The following CSMD1 variants were observed in gnomAD, a reference collection of about 807,000 sequenced individuals.
CSMD1 encodes the protein CUB and sushi domain-containing protein 1.
A neutral mutation model predicts 417.5 loss-of-function variants in CSMD1; 213 were observed. That is an observed-to-expected ratio of 0.51 (90% CI 0.46 to 0.57). The LOEUF is 0.57. CSMD1 is among the 20% of genes least tolerant of loss of function. The pLI is 0.00. For missense variants in CSMD1, 6,923 were observed against 4,529.7 expected (o/e 1.53, Z -15.17); for synonymous variants, 2,862 against 1,736.8 (o/e 1.65, Z -16.11).
chr8:4,562,294 G>C (rs886101058), intron 2 of CSMD1, among the ~76,000 whole-genome samples: 8 of 152,186 alleles, frequency 5.3e-5, no homozygotes, highest in Non-Finnish European at 1.2e-4. Context: ...CAACCTGCTG[G>C]AGTGGAGGAC....
chr8:4,832,053 A>C (rs1268489184), intron 1 of CSMD1, among the ~76,000 whole-genome samples: 1 of 152,196 alleles, frequency 6.6e-6, no homozygotes, highest in Non-Finnish European at 1.5e-5. Context: ...CCTTACAATC[A>C]AACCAGAACC....
intron 3 of CSMD1, among the ~76,000 whole-genome samples, 172 bp downstream of exon 3, chr8:4,419,781 T>A (rs532327624): frequency 6.6e-4 from 100 of 152,192 alleles, no homozygotes; most frequent in Non-Finnish European, 1.2e-3. Context: ...GCTGGAAAGT[T>A]TGGCGATTAT....
chr8:4,573,732 TC>T (rs1387579679), intron 2 of CSMD1, among the ~76,000 whole-genome samples: 4 of 152,112 alleles, frequency 2.6e-5, no homozygotes, highest in African/African-American at 9.7e-5. Context: ...AGCCACTCCT[TC>T]CCCCAGGTGC....
At position 4,808,065 on chromosome 8, in the gene CSMD1, G is replaced by A. The variant is rs141090452; in HGVS notation, c.86-170507C>T. 1.9e-3 allele frequency among the ~76,000 whole-genome samples: 295 copies of A among 152,204 alleles called. 1 individual carries two copies. Among genetic ancestry groups the A allele is most frequent in the Non-Finnish European group, 3.5e-3 (241 of 68,018 alleles). Reference sequence around the variant, plus strand: ...TGGTTGACTTTTGTAAATAATACTCGTGTGGGCTCAATGTCCTTATTAGCA... The same window carrying A: ...TGGTTGACTTTTGTAAATAATACTCATGTGGGCTCAATGTCCTTATTAGCA... On this transcript the variant is annotated intron_variant, in intron 1 of 69. Coordinates refer to ENST00000635120, the MANE Select transcript of CSMD1 (RefSeq NM_033225.6).
chr8:4,563,181 C>A (rs1446461826), intron 2 of CSMD1, among the ~76,000 whole-genome samples: 5 of 152,140 alleles, frequency 3.3e-5, no homozygotes, highest in African/African-American at 1.2e-4. Flanking sequence ...GCAGGCGGAT[C>A]ACGAGGTCAG....
At chr8:3,780,629 T>C (rs1351497698) in intron 5 of CSMD1, among the ~76,000 whole-genome samples, 1 of 152,196 alleles carries the variant, frequency 6.6e-6, no homozygotes, top group Non-Finnish European at 1.5e-5. Context: ...CTGGGCCTGC[T>C]CCCAGCTCCT....
chr8:3,453,179 A>C (rs559534773), intron 12 of CSMD1, among the ~76,000 whole-genome samples: 2 of 151,438 alleles, frequency 1.3e-5, no homozygotes, highest in East Asian at 3.9e-4. Flanking sequence ...TTCATTTTTT[A>C]TTGCTTCTAT....
chr8:3,256,758 G>T (rs930245295), intron 26 of CSMD1, among the ~76,000 whole-genome samples: 2 of 152,112 alleles, frequency 1.3e-5, no homozygotes, highest in Non-Finnish European at 2.9e-5. Flanking sequence ...ACTCAGAAAA[G>T]GGACATCTTG....
intron 2 of CSMD1, among the ~76,000 whole-genome samples, chr8:4,435,797 A>G (rs764888948): frequency 2.6e-5 from 4 of 152,204 alleles, no homozygotes; most frequent in Non-Finnish European, 4.4e-5. Flanking sequence ...ACAATAGAAG[A>G]CAGACCGTGT....
chr8:3,773,873 T>G (rs1798753849), intron 5 of CSMD1, among the ~76,000 whole-genome samples: 1 of 152,154 alleles, frequency 6.6e-6, no homozygotes, highest in Non-Finnish European at 1.5e-5. Flanking sequence ...ATTACTATGT[T>G]GCTGAGGAAA....
At chr8:3,344,290 G>A (rs1807846329) in intron 22 of CSMD1, among the ~76,000 whole-genome samples, 1 of 152,124 alleles carries the variant, frequency 6.6e-6, no homozygotes, top group South Asian at 2.1e-4. Flanking sequence ...ATGCCATGAG[G>A]CTCAGGTAAC....
intron 3 of CSMD1, among the ~76,000 whole-genome samples, chr8:4,321,137 G>A (rs1799251762): frequency 6.6e-6 from 1 of 152,118 alleles, no homozygotes; most frequent in Admixed American, 6.6e-5. Context: ...GGCAGGAAGA[G>A]TGTCAAACCT....
chr8:3,544,850 G>A (rs949635223), intron 10 of CSMD1, among the ~76,000 whole-genome samples: 1 of 152,152 alleles, frequency 6.6e-6, no homozygotes, highest in Admixed American at 6.5e-5. Flanking sequence ...AGTCCAAGAT[G>A]CCTTACAGCT....
intron 23 of CSMD1, among the ~76,000 whole-genome samples, chr8:3,311,389 A>ATAAG (rs1805331084): frequency 1.3e-5 from 2 of 152,140 alleles, no homozygotes; most frequent in African/African-American, 4.8e-5. Context: ...AGCTGGGACT[A>ATAAG]TAAGTGCGAG....
intron 3 of CSMD1, among the ~76,000 whole-genome samples, chr8:4,222,599 C>T (rs1212992514): frequency 6.6e-6 from 1 of 152,126 alleles, no homozygotes; most frequent in Non-Finnish European, 1.5e-5. Flanking sequence ...TTGTCCGAAG[C>T]CTGGCTGCTC....
intron 1 of CSMD1, among the ~76,000 whole-genome samples, chr8:4,690,176 T>C (rs891441974): frequency 2.0e-5 from 3 of 152,228 alleles, no homozygotes. Context: ...CTCACAGTGT[T>C]ATTTACATGT....
In CSMD1 at chr8:4,491,572, G is replaced by T. The variant is rs1004082092; in HGVS notation, c.303-71507C>A. Reference sequence around the variant, plus strand: ...TGATTTTGCAATGTTTAAAAAAAGTGGGCAAAAGGTCTGAACAGACACCTC... The same window carrying T: ...TGATTTTGCAATGTTTAAAAAAAGTTGGCAAAAGGTCTGAACAGACACCTC... On this transcript the variant is annotated intron_variant, in intron 2 of 69. Transcript: ENST00000635120. Among the ~76,000 whole-genome samples the T allele has an allele frequency of 5.9e-5, 9 of 152,066 alleles. No homozygotes were observed. The East Asian group carries it at 1.4e-3, about 23-fold the overall frequency.
chr8:3,975,851 G>C (rs905060295), intron 5 of CSMD1, among the ~76,000 whole-genome samples: 2 of 152,040 alleles, frequency 1.3e-5, no homozygotes, highest in African/African-American at 2.4e-5. Context: ...TTTAGTTATT[G>C]TTGTCCTTCA....
At chr8:4,731,020 C>T (rs189080524) in intron 1 of CSMD1, among the ~76,000 whole-genome samples, 37 of 152,152 alleles carry the variant, frequency 2.4e-4, no homozygotes, top group African/African-American at 8.4e-4. Context: ...AGTTCTAGGC[C>T]CAAGACGCTA....
Sources: gnomAD v4.1 joint callset for allele counts (sites outside exome capture counted in the v4.1 genomes callset) on GRCh38, gnomAD v4.1.1 for gene constraint, MANE v1.5 for transcripts, NCBI Gene and HGNC (gene_info 2026-07-23, HGNC 2026-07-21) for gene names.